The following FGF13 variants were observed in gnomAD, a reference collection of about 807,000 sequenced individuals.
The protein encoded by FGF13 is fibroblast growth factor homologous factor 2.
A neutral mutation model predicts 19.5 loss-of-function variants in FGF13; 2 were observed. That is an observed-to-expected ratio of 0.10 (90% confidence interval 0.04 to 0.32). The LOEUF (loss-of-function observed/expected upper bound fraction) is 0.32, where lower values mean the gene tolerates loss of function less well. Ranked by LOEUF, FGF13 falls within the 10% of genes least tolerant of loss-of-function variation. The probability of loss-of-function intolerance (pLI) is 1.00; values close to 1 mark genes in which losing one functional copy is unlikely to be tolerated. For missense variants in FGF13, 113 were observed against 192.7 expected (o/e 0.59, Z 2.45); for synonymous variants, 72 against 76.9 (o/e 0.94, Z 0.33).
At chrX:138,940,858 G>A (rs1397014398) in intron 1 of FGF13, among the ~76,000 whole-genome samples, 2 of 111,384 alleles carry the variant, frequency 1.8e-5, no homozygotes, top group South Asian at 3.8e-4. Context: ...GTCGGGTAAC[G>A]TCATGCCTCC....
chrX:139,022,963 G>T (rs1481144502), intron 1 of FGF13, among the ~76,000 whole-genome samples: 2 of 111,270 alleles, frequency 1.8e-5, no homozygotes, highest in Non-Finnish European at 3.8e-5. Context: ...AAAACCATTT[G>T]AAATTATCAC....
At chrX:139,096,369 G>A (rs7890667) in intron 1 of FGF13, among the ~76,000 whole-genome samples, 13,392 of 111,119 alleles carry the variant, frequency 0.12, 612 homozygotes, top group South Asian at 0.2. Flanking sequence ...AAAGGATAAA[G>A]ATATAGGAAA....
intron 1 of FGF13, among the ~76,000 whole-genome samples, chrX:139,197,367 T>C: frequency 8.9e-6 from 1 of 112,730 alleles, no homozygotes; most frequent in Non-Finnish European, 1.9e-5. Flanking sequence ...GCCTAGTAAA[T>C]AGTAACTGCT....
chrX:139,084,734 T>C (rs1307888016), intron 1 of FGF13, among the ~76,000 whole-genome samples: 1 of 112,268 alleles, frequency 8.9e-6, no homozygotes, highest in African/African-American at 3.2e-5. Flanking sequence ...ATTTTACAGT[T>C]CTTTTTCCTA....
At chrX:139,125,039 G>C (rs1335134739) in intron 1 of FGF13, among the ~76,000 whole-genome samples, 2 of 111,503 alleles carry the variant, frequency 1.8e-5, no homozygotes, top group African/African-American at 6.5e-5. Context: ...TATGTTTTTT[G>C]CTTCTGTCCA....
intron 2 of FGF13, among the ~76,000 whole-genome samples, chrX:138,861,618 G>T (rs1395785406): frequency 3.6e-5 from 4 of 111,885 alleles, no homozygotes; most frequent in African/African-American, 1.3e-4. Context: ...AACTCAGGAG[G>T]GGAAGCAACT....
chrX:139,167,085 C>T (rs188667180), intron 1 of FGF13, among the ~76,000 whole-genome samples: 2 of 112,002 alleles, frequency 1.8e-5, no homozygotes, highest in South Asian at 3.7e-4. Context: ...GTAAGACTCA[C>T]ATCAAATATC....
chrX:139,017,340 T>TAC (rs147053776), intron 1 of FGF13, among the ~76,000 whole-genome samples: 2 of 5,606 alleles, frequency 3.6e-4, no homozygotes, highest in African/African-American at 1.0e-3. Flanking sequence ...TACATGTATG[T>TAC]ATATATATAT....
intron 1 of FGF13, among the ~76,000 whole-genome samples, chrX:139,152,279 A>T (rs774282127): frequency 9.8e-5 from 10 of 102,006 alleles, no homozygotes; most frequent in Admixed American, 9.4e-4. Context: ...AAAAAAACGG[A>T]GGAGGCCCCG....
chrX:139,146,801 G>A (rs1292185446), intron 1 of FGF13, among the ~76,000 whole-genome samples: 1 of 111,424 alleles, frequency 9.0e-6, no homozygotes, highest in Non-Finnish European at 1.9e-5. Flanking sequence ...AAAAAAGGAT[G>A]AGTTCATGTC....
At chrX:138,819,603 C>T (rs1452501514) in intron 3 of FGF13, among the ~76,000 whole-genome samples, 1 of 111,378 alleles carries the variant, frequency 9.0e-6, no homozygotes, top group Non-Finnish European at 1.9e-5. Context: ...CAGAATTCCG[C>T]TTTTTAAATA....
chrX:139,031,573 G>A (rs772484240), intron 1 of FGF13, among the ~76,000 whole-genome samples: 1 of 110,837 alleles, frequency 9.0e-6, no homozygotes, highest in South Asian at 3.8e-4. Flanking sequence ...TAAGTGATTT[G>A]CCCAAGGAAA....
chrX:138,844,102 C>G (rs186063715), intron 3 of FGF13, among the ~76,000 whole-genome samples: 1 of 112,227 alleles, frequency 8.9e-6, no homozygotes, highest in East Asian at 2.8e-4. Flanking sequence ...AGCAAAAGTG[C>G]ACGTTTGTAA....
At chrX:139,036,002 G>A (rs1009711291) in intron 1 of FGF13, among the ~76,000 whole-genome samples, 2 of 111,823 alleles carry the variant, frequency 1.8e-5, no homozygotes, top group African/African-American at 6.5e-5. Context: ...GGACCAGTAA[G>A]TAAACCTTAA....
At chrX:139,162,534 G>A (rs1478953601) in intron 1 of FGF13, among the ~76,000 whole-genome samples, 1 of 112,058 alleles carries the variant, frequency 8.9e-6, no homozygotes, top group East Asian at 2.8e-4. Context: ...AGCCAAAATT[G>A]ACAAATGGGA....
intron 1 of FGF13, among the ~76,000 whole-genome samples, chrX:139,035,238 C>T (rs1270007527): frequency 1.8e-5 from 2 of 111,284 alleles, no homozygotes; most frequent in Non-Finnish European, 3.8e-5. Flanking sequence ...AAGGCACATC[C>T]GGTACTGTAT....
chrX:138,816,605 A>G (rs1367618737), intron 3 of FGF13, among the ~76,000 whole-genome samples: 1 of 112,643 alleles, frequency 8.9e-6, no homozygotes, highest in African/African-American at 3.2e-5. Context: ...GAAGTCTGAA[A>G]TCATGTCAAA....
At chrX:138,876,706 G>A (rs1215269492) in intron 1 of FGF13, among the ~76,000 whole-genome samples, 1 of 112,164 alleles carries the variant, frequency 8.9e-6, no homozygotes, top group Non-Finnish European at 1.9e-5. Context: ...CCTATGCTAC[G>A]TCCTCTAAGC....
At chrX:138,867,486 C>T (rs1324101065) in intron 1 of FGF13, among the ~76,000 whole-genome samples, 1 of 110,696 alleles carries the variant, frequency 9.0e-6, no homozygotes, top group Admixed American at 9.6e-5. Flanking sequence ...AATGGACTCA[C>T]AGTTCCACTT....
Sources: gnomAD v4.1 joint callset for allele counts (sites outside exome capture counted in the v4.1 genomes callset) on GRCh38, gnomAD v4.1.1 for gene constraint, MANE v1.5 for transcripts, NCBI Gene and HGNC (gene_info 2026-07-23, HGNC 2026-07-21) for gene names.